PRR5L: variants seen among roughly 807,000 people sequenced by gnomAD.
The protein encoded by PRR5L is proline-rich protein 5-like.
Under a neutral mutation model 36.4 loss-of-function variants are expected in PRR5L, and 21 were observed. The observed-to-expected ratio is 0.58, with a 90% CI of 0.41 to 0.83. The LOEUF (loss-of-function observed/expected upper bound fraction) is 0.83. Among genes scored for constraint, PRR5L ranks in the 40% least tolerant of loss-of-function variants. The probability of loss-of-function intolerance (pLI) is 0.00; values close to 1 mark genes in which losing one functional copy is unlikely to be tolerated. For synonymous variants in PRR5L, 188 were observed against 197.0 expected, an observed-to-expected ratio of 0.95 and a Z score of 0.38; for missense variants, 381 against 473.3, an observed-to-expected ratio of 0.80 and a Z score of 1.81.
At chr11:36,325,834 A>G (rs1191159521) in intron 1 of PRR5L, among the ~76,000 whole-genome samples, 1 of 152,136 alleles carries the variant, frequency 6.6e-6, no homozygotes, top group East Asian at 1.9e-4. Context: ...GTTGTTTTTC[A>G]TGTTCTGACA....
chr11:36,430,269 G>A (rs1370389816), intron 4 of PRR5L, among the ~76,000 whole-genome samples: 4 of 152,040 alleles, frequency 2.6e-5, no homozygotes, highest in Non-Finnish European at 5.9e-5. Context: ...AAAATTAGCT[G>A]GGCATGGTGG....
intron 1 of PRR5L, among the ~76,000 whole-genome samples, chr11:36,359,229 C>A (rs1857059776): frequency 6.6e-6 from 1 of 152,158 alleles, no homozygotes; most frequent in Non-Finnish European, 1.5e-5. Context: ...GCGGTATTAA[C>A]TTCTAATGAG....
At chr11:36,451,385 CAGCACTGTTTAACTG>C (rs747234234) in intron 8 of PRR5L, 50 bp downstream of exon 8, 161 of 1,606,198 alleles carry the variant, frequency 1.0e-4, no homozygotes, top group African/African-American at 8.7e-4. Flanking sequence ...ATCATGATAC[CAGCACTGTTTAACTG>C]AGCACTGTTT....
At chr11:36,355,548 C>CTTTTTTTTT (rs1041820581) in intron 1 of PRR5L, among the ~76,000 whole-genome samples, 5 of 127,058 alleles carry the variant, frequency 3.9e-5, no homozygotes, top group Admixed American at 8.0e-5. Flanking sequence ...CTTTGCTTTG[C>CTTTTTTTTT]TTTTTTTTTT....
intron 4 of PRR5L, among the ~76,000 whole-genome samples, chr11:36,428,712 A>G (rs189842445): frequency 6.6e-6 from 1 of 152,350 alleles, no homozygotes; most frequent in East Asian, 1.9e-4. Context: ...TTATACAGCT[A>G]TAAGATAAGA....
intron 8 of PRR5L, among the ~76,000 whole-genome samples, chr11:36,461,725 A>G (rs1176914697): frequency 6.6e-6 from 1 of 152,158 alleles, no homozygotes; most frequent in Non-Finnish European, 1.5e-5. Context: ...TGATGATGCT[A>G]AAGGCTGTTT....
chr11:36,297,988 G>A (rs922602748), intron 1 of PRR5L, among the ~76,000 whole-genome samples: 3 of 152,156 alleles, frequency 2.0e-5, no homozygotes, highest in African/African-American at 7.2e-5. Context: ...GGTTCTGGTG[G>A]GTGTGTAAAC....
chr11:36,394,916 T>G (rs1857626786), intron 1 of PRR5L, among the ~76,000 whole-genome samples: 1 of 152,214 alleles, frequency 6.6e-6, no homozygotes, highest in African/African-American at 2.4e-5. Flanking sequence ...TGACCACTGA[T>G]TTTAGGGTTT....
intron 6 of PRR5L, among the ~76,000 whole-genome samples, chr11:36,442,128 C>G (rs1378073441): frequency 3.9e-5 from 6 of 152,168 alleles, no homozygotes; most frequent in Admixed American, 3.9e-4. Context: ...ATGCAAATCT[C>G]TCTAGGAAGT....
chr11:36,376,933 A>G (rs1386933338), intron 1 of PRR5L, among the ~76,000 whole-genome samples: 1 of 151,800 alleles, frequency 6.6e-6, no homozygotes, highest in Non-Finnish European at 1.5e-5. Context: ...CTTACTCGAG[A>G]CCACCATGGT....
chr11:36,331,822 A>C lies in PRR5L; in HGVS notation c.-126+35384A>C, dbSNP rs192190882. 4.3e-4 allele frequency among the ~76,000 whole-genome samples: 65 copies of C among 152,342 alleles called. 1 individual carries two copies. Among genetic ancestry groups the C allele is most frequent in the Admixed American group, 4.0e-3 (61 of 15,300 alleles). On this transcript the variant is annotated intron_variant, in intron 1 of 8. Coordinates refer to ENST00000530639, the MANE Select transcript of PRR5L (RefSeq NM_001160167.2). ...ACGAGTTCATAGAAAAATGTGATTC[A>C]AAGAGGTGGTTATAATTTGGAGCTT... is the stretch of plus-strand genomic sequence containing the variant.
rs775233155 is a variant in PRR5L, at chr11:36,437,472, T to C, written c.440T>C (p.Val147Ala). 1 of 1,586,146 alleles carries C rather than the reference T, an allele frequency of 6.3e-7. No individual in the cohort carries two copies. The highest frequency in any genetic ancestry group is 1.1e-5 in the South Asian group (1 of 90,166). ...ACCCTGCAGGCAATATTTTATCCAG[T>C]TCAGGTTAGTCTCATTGGGGAACAC... ...LPTLQAIFYP[V>A]QGQELTIRQI... The change falls in exon 6 of 9, where the codon GTT (valine) becomes GCT (alanine). Residue 147 changes from valine to alanine, a missense_variant. Val to Ala is a moderately conservative substitution (Grantham distance 64). Transcript: ENST00000530639.
intron 3 of PRR5L, among the ~76,000 whole-genome samples, chr11:36,408,413 T>TAGG (rs10645497): frequency 0.23 from 34,732 of 152,000 alleles, 5,620 homozygotes; most frequent in African/African-American, 0.47. Context: ...GAAACTGCCT[T>TAGG]AGGCACAGCT....
At chr11:36,424,834 T>A (rs1858346807) in intron 4 of PRR5L, among the ~76,000 whole-genome samples, 1 of 152,080 alleles carries the variant, frequency 6.6e-6, no homozygotes, top group African/African-American at 2.4e-5. Flanking sequence ...CTGTTTTTTT[T>A]TTTTTAGACA....
intron 4 of PRR5L, among the ~76,000 whole-genome samples, chr11:36,424,346 G>A (rs1468682356): frequency 6.6e-6 from 1 of 152,154 alleles, no homozygotes; most frequent in African/African-American, 2.4e-5. Context: ...CCTAAATCAT[G>A]GAAGTGTGGT....
Position 36,464,318 on chromosome 11 carries a change from G to T in PRR5L, c.*1582G>T, listed in dbSNP as rs949731732. The T allele has an allele frequency of 2.6e-5, 4 of 152,196 alleles. No homozygotes were observed. The highest frequency in any genetic ancestry group is 9.7e-5 in the African/African-American group (4 of 41,434). 9.4% of individuals were successfully genotyped at this position (152,196 alleles called of 1,614,324 possible). A position where few individuals can be genotyped will look rare whatever the true frequency, so the allele number is the denominator to read the frequency against. ...GAGAAGGTGAAGATCAGTCTAAGCT[G>T]CCACGGTGATGAGACCTTCTCATTA... On this transcript the variant is annotated 3_prime_UTR_variant, in exon 9 of 9. Coordinates refer to ENST00000530639, the MANE Select transcript of PRR5L (RefSeq NM_001160167.2).
chr11:36,430,936 A>T (rs1242655850), intron 4 of PRR5L, among the ~76,000 whole-genome samples: 1 of 152,212 alleles, frequency 6.6e-6, no homozygotes, highest in African/African-American at 2.4e-5. Flanking sequence ...TGCATTAGGT[A>T]CTTTGGTAAG....
chr11:36,450,805 TAAG>T (rs1377858124), intron 7 of PRR5L, among the ~76,000 whole-genome samples: 2 of 152,230 alleles, frequency 1.3e-5, no homozygotes, highest in African/African-American at 4.8e-5. Flanking sequence ...AGGGGGATAA[TAAG>T]AGCACCTTCC....
chr11:36,363,588 G>C (rs58187624), intron 1 of PRR5L, among the ~76,000 whole-genome samples: 2 of 152,006 alleles, frequency 1.3e-5, no homozygotes, highest in Admixed American at 6.5e-5. Flanking sequence ...ATCAACCCCC[G>C]GGCAGGTTTC....
Sources: allele counts gnomAD v4.1 joint callset (sites outside exome capture counted in the v4.1 genomes callset), GRCh38; gene constraint gnomAD v4.1.1; transcripts MANE v1.5; gene names NCBI Gene and HGNC (gene_info 2026-07-23, HGNC 2026-07-21).